Variants in KCNQ3 observed in about 807,000 individuals in gnomAD.
The protein encoded by KCNQ3 is potassium voltage-gated channel subfamily Q member 3, also known as potassium voltage-gated channel subfamily KQT member 3.
In KCNQ3, 30 loss-of-function variants were observed where a neutral mutation model predicts 92.5. The ratio of observed to expected loss-of-function variants is 0.32; its 90% CI spans 0.24 to 0.44. The LOEUF is 0.44. Ranked by LOEUF, KCNQ3 falls within the 20% of genes least tolerant of loss-of-function variation. KCNQ3 has a pLI of 1.00. For synonymous variants in KCNQ3, 450 were observed against 468.8 expected (o/e 0.96, Z 0.52); for missense variants, 913 against 1,140.3 (o/e 0.80, Z 2.87).
chr8:132,400,529 C>A (rs1426700136), intron 1 of KCNQ3, among the ~76,000 whole-genome samples: 1 of 152,198 alleles, frequency 6.6e-6, no homozygotes. Context: ...AGCTCCTAGG[C>A]CCTGGTGATG....
intron 1 of KCNQ3, among the ~76,000 whole-genome samples, chr8:132,302,091 G>A (rs1817233066): frequency 6.6e-6 from 1 of 152,158 alleles, no homozygotes; most frequent in African/African-American, 2.4e-5. Context: ...AGCACACCCA[G>A]ATGAAGCAAC....
intron 3 of KCNQ3, among the ~76,000 whole-genome samples, chr8:132,180,853 A>G (rs1421943363): frequency 1.5e-4 from 22 of 142,296 alleles, no homozygotes. Flanking sequence ...AAAAAAAACC[A>G]ATGTTGGGGG....
intron 1 of KCNQ3, among the ~76,000 whole-genome samples, chr8:132,288,311 A>G (rs938234299): frequency 1.3e-5 from 2 of 152,166 alleles, no homozygotes; most frequent in African/African-American, 4.8e-5. Flanking sequence ...CAGCATTCCC[A>G]TGTTACTCTT....
At chr8:132,365,980 A>G (rs543048761) in intron 1 of KCNQ3, among the ~76,000 whole-genome samples, 3 of 152,272 alleles carry the variant, frequency 2.0e-5, no homozygotes, top group African/African-American at 7.2e-5. Flanking sequence ...ACAGTGAGCC[A>G]AAATGGCACC....
At chr8:132,299,161 C>T (rs1160115054) in intron 1 of KCNQ3, among the ~76,000 whole-genome samples, 3 of 140,192 alleles carry the variant, frequency 2.1e-5, no homozygotes, top group African/African-American at 5.2e-5. Context: ...GCACATAGTA[C>T]ATATATATAT....
At chr8:132,190,511 G>A (rs1179113319) in intron 1 of KCNQ3, among the ~76,000 whole-genome samples, 1 of 152,192 alleles carries the variant, frequency 6.6e-6, no homozygotes, top group Non-Finnish European at 1.5e-5. Flanking sequence ...GAGCTATGTG[G>A]CAAGGAACTG....
intron 1 of KCNQ3, among the ~76,000 whole-genome samples, chr8:132,450,063 G>T (rs1458056904): frequency 6.6e-6 from 1 of 152,182 alleles, no homozygotes; most frequent in Non-Finnish European, 1.5e-5. Context: ...TGGACCCAAA[G>T]AGTGAGCAAC....
At chr8:132,387,992 AGGAAG>A (rs1819937541) in intron 1 of KCNQ3, among the ~76,000 whole-genome samples, 1 of 148,194 alleles carries the variant, frequency 6.7e-6, no homozygotes, top group East Asian at 1.9e-4. Context: ...GAAGAGGAAG[AGGAAG>A]AAGAAGAAGA....
In KCNQ3 at chr8:132,173,492, G is replaced by A. The variant is rs927064155; in HGVS notation, c.1044+747C>T. The stretch of plus-strand genomic sequence containing the variant: ...TAAGAGCCAGGTTTTAGAACCAGTG[G>A]ACTTGGGATTCCTGGCTCTACAACA... On this transcript the variant is annotated intron_variant, in intron 6 of 14. Transcript: ENST00000388996. Among the ~76,000 whole-genome samples the A allele has an allele frequency of 3.0e-4, 45 of 152,176 alleles. 1 individual carries two copies. Among genetic ancestry groups the A allele is most frequent in the African/African-American group, 9.7e-4 (40 of 41,436 alleles).
At chr8:132,329,675 G>A (rs1213740089) in intron 1 of KCNQ3, among the ~76,000 whole-genome samples, 1 of 152,198 alleles carries the variant, frequency 6.6e-6, no homozygotes, top group Non-Finnish European at 1.5e-5. Flanking sequence ...CTGTGGCATT[G>A]TATTACCAAG....
chr8:132,157,647 T>C (rs1825845011), intron 9 of KCNQ3, among the ~76,000 whole-genome samples: 1 of 152,138 alleles, frequency 6.6e-6, no homozygotes, highest in Admixed American at 6.5e-5. Flanking sequence ...CTGTGTTTTA[T>C]TTTATTTTAT....
Position 132,170,375 on chromosome 8 carries a change from T to A in KCNQ3, c.1194A>T (p.Thr398=). ...TNPNRIDLVA[T]WRFYESVVSF... ...AGACGACTGATTCATAAAATCTCCA[T>A]GTCGCCACCAGGTCAATCCTGTTGG... The change falls in exon 8 of 15, where the codon ACA becomes ACT. Residue 398 remains threonine (T), a synonymous_variant. Transcript: ENST00000388996. 6.2e-7 allele frequency: 1 copy of A among 1,613,980 alleles called. No individual in the cohort carries two copies. The highest frequency in any genetic ancestry group is 8.5e-7 in the Non-Finnish European group (1 of 1,179,980).
intron 1 of KCNQ3, among the ~76,000 whole-genome samples, chr8:132,195,484 G>C (rs1827275740): frequency 6.6e-6 from 1 of 152,230 alleles, no homozygotes; most frequent in Non-Finnish European, 1.5e-5. Context: ...GAGCTGGAAA[G>C]AGGCAGCAAG....
intron 1 of KCNQ3, among the ~76,000 whole-genome samples, chr8:132,404,509 C>T (rs1820428944): frequency 6.6e-6 from 1 of 152,210 alleles, no homozygotes. Flanking sequence ...AAAGCTAAAG[C>T]TTCCCTGATA....
rs983221605 is a variant in KCNQ3, at chr8:132,123,829, T to A, written c.*5433A>T. The stretch of plus-strand genomic sequence containing the variant: ...TTGCATCTATGATAACAAATCAAAA[T>A]ATGAATCACAATTTTCTTACAGGGT... On this transcript the variant is annotated 3_prime_UTR_variant, in exon 15 of 15. Transcript: ENST00000388996. 4 of 152,190 alleles carry A rather than the reference T, an allele frequency of 2.6e-5. No individual in the cohort carries two copies. Among genetic ancestry groups the A allele is most frequent in the Admixed American group, 1.3e-4 (2 of 15,274 alleles). 9.4% of individuals were successfully genotyped at this position (152,190 alleles called of 1,614,324 possible). A position where few individuals can be genotyped will look rare whatever the true frequency, so the allele number is the denominator to read the frequency against.
At chr8:132,274,962 G>T (rs1816277661) in intron 1 of KCNQ3, among the ~76,000 whole-genome samples, 1 of 152,140 alleles carries the variant, frequency 6.6e-6, no homozygotes, top group Non-Finnish European at 1.5e-5. Flanking sequence ...AAGGGGGAGA[G>T]GGAAGAGCAG....
At chr8:132,427,947 G>A (rs1821152126) in intron 1 of KCNQ3, among the ~76,000 whole-genome samples, 1 of 152,160 alleles carries the variant, frequency 6.6e-6, no homozygotes, top group South Asian at 2.1e-4. Context: ...TCCTAGCCAC[G>A]ATCTATCTAG....
chr8:132,247,207 C>T (rs994082754), intron 1 of KCNQ3, among the ~76,000 whole-genome samples: 1 of 152,168 alleles, frequency 6.6e-6, no homozygotes, highest in African/African-American at 2.4e-5. Context: ...TGAACTCCAA[C>T]AAAATTCTGA....
chr8:132,463,118 T>C (rs1822099327), intron 1 of KCNQ3, among the ~76,000 whole-genome samples: 1 of 152,204 alleles, frequency 6.6e-6, no homozygotes, highest in Non-Finnish European at 1.5e-5. Context: ...TGTTCACATC[T>C]ATGAAAGAAC....
Sources: allele counts gnomAD v4.1 joint callset (sites outside exome capture counted in the v4.1 genomes callset), GRCh38; gene constraint gnomAD v4.1.1; transcripts MANE v1.5; gene names NCBI Gene and HGNC (gene_info 2026-07-23, HGNC 2026-07-21).